The following SEM1 variants were observed in gnomAD, a reference collection of about 807,000 sequenced individuals.
SEM1 encodes SEM1 26S proteasome subunit.
SEM1 carries 3 observed loss-of-function variants against 12.7 expected under a neutral mutation model. That is an observed-to-expected ratio of 0.24 (90% confidence interval 0.11 to 0.61). The LOEUF is 0.61. Among genes scored for constraint, SEM1 ranks in the 20% least tolerant of loss-of-function variants. The probability of loss-of-function intolerance (pLI) is 0.88; values close to 1 mark genes in which losing one functional copy is unlikely to be tolerated. For synonymous variants in SEM1, 30 were observed against 27.8 expected, an observed-to-expected ratio of 1.08 and a Z score of -0.25; for missense variants, 59 against 81.3, an observed-to-expected ratio of 0.73 and a Z score of 1.06.
chr7:96,585,638 C>T (rs1806599073), intron 2 of SEM1, among the ~76,000 whole-genome samples: 2 of 152,268 alleles, frequency 1.3e-5, no homozygotes, highest in Admixed American at 1.3e-4. Context: ...GCTTAGGACC[C>T]TCCGAGCCAG....
At chr7:96,620,964 G>C (rs984749937), downstream of SEM1, among the ~76,000 whole-genome samples, 1 of 152,038 alleles carries the variant, frequency 6.6e-6, no homozygotes, top group Non-Finnish European at 1.5e-5. Context: ...GTTGGATTTG[G>C]TGGTGTCACT....
At chr7:96,619,402 T>A (rs1415559464), downstream of SEM1, among the ~76,000 whole-genome samples, 1 of 118,298 alleles carries the variant, frequency 8.5e-6, no homozygotes, top group Non-Finnish European at 2.0e-5. Context: ...ACTTAAGGCA[T>A]AGCTATTAGC....
intron 2 of SEM1, among the ~76,000 whole-genome samples, chr7:96,626,761 G>A (rs1422338019): frequency 6.6e-6 from 1 of 151,996 alleles, no homozygotes; most frequent in Non-Finnish European, 1.5e-5. Flanking sequence ...TTTTATTGAT[G>A]TATCTGTCTG....
Position 96,694,870 on chromosome 7 carries a change from T to A in SEM1, c.98A>T (p.Asp33Val). 1 of 1,609,868 alleles carries A rather than the reference T, an allele frequency of 6.2e-7. No homozygotes were observed. Among genetic ancestry groups the A allele is most frequent in the Non-Finnish European group, 8.5e-7 (1 of 1,176,706 alleles). ...PAEDWAGLDEDEDAHVWEDNW... is the reference protein window; with the variant it reads ...PAEDWAGLDEVEDAHVWEDNW... ...ATCCTCCCAGACATGTGCATCTTCA[T>A]CTTCATCTAAGCCAGCCCAGTCTAA... The change falls in exon 2 of 3, where the codon GAT becomes GTT. Residue 33 changes from aspartate to valine, a missense_variant. By Grantham distance (152) the Asp-to-Val change is radical. Transcript: ENST00000248566.
intron 2 of SEM1, among the ~76,000 whole-genome samples, chr7:96,583,773 T>C (rs1806503158): frequency 6.6e-6 from 1 of 150,736 alleles, no homozygotes; most frequent in Non-Finnish European, 1.5e-5. Context: ...AAGTCTGTTT[T>C]ATCCGAGACT....
At chr7:96,564,118 G>A (rs1805774345) in intron 2 of SEM1, among the ~76,000 whole-genome samples, 1 of 151,956 alleles carries the variant, frequency 6.6e-6, no homozygotes. Context: ...AGGAAAGTTG[G>A]TGATAAATAG....
intron 1 of SEM1, among the ~76,000 whole-genome samples, chr7:96,487,854 G>A (rs1020736627): frequency 1.3e-5 from 2 of 150,062 alleles, no homozygotes; most frequent in Non-Finnish European, 2.9e-5. Flanking sequence ...AGGGTGGAAT[G>A]CAATAGTCTA....
At chr7:96,708,292 C>G (rs1003534764) in intron 1 of SEM1, 1 of 152,160 alleles carries the variant, frequency 6.6e-6, no homozygotes, top group African/African-American at 2.4e-5. Flanking sequence ...ATAATTAATT[C>G]CAGAACTGAA....
chr7:96,658,286 C>T (rs1438693285), intron 2 of SEM1, among the ~76,000 whole-genome samples: 1 of 152,078 alleles, frequency 6.6e-6, no homozygotes. Context: ...AGTGTGAGTG[C>T]TCAGTTAAAA....
chr7:96,643,863 G>T (rs569402806), intron 2 of SEM1, among the ~76,000 whole-genome samples: 1 of 152,144 alleles, frequency 6.6e-6, no homozygotes, highest in Non-Finnish European at 1.5e-5. Context: ...AGTAAGATAA[G>T]AATAATAAAG....
Position 96,704,339 on chromosome 7 carries a change from A to C in SEM1, c.76+5349T>G, listed in dbSNP as rs576048756. ...AATTGTAGAGGGAAACTGTGTTTTTACTTTTTAATTTATACTCTCATTAAG... is the reference window on the plus strand; with the variant it reads ...AATTGTAGAGGGAAACTGTGTTTTTCCTTTTTAATTTATACTCTCATTAAG... On this transcript the variant is annotated intron_variant, in intron 1 of 2. Transcript: ENST00000248566. Among the ~76,000 whole-genome samples the C allele has an allele frequency of 1.2e-3, 178 of 152,296 alleles. 1 individual carries two copies. The highest frequency in any genetic ancestry group is 1.9e-3 in the Non-Finnish European group (132 of 68,018).
At chr7:96,590,937 G>C (rs1300834675) in intron 2 of SEM1, among the ~76,000 whole-genome samples, 2 of 152,180 alleles carry the variant, frequency 1.3e-5, no homozygotes, top group Non-Finnish European at 2.9e-5. Context: ...CCCCAAGCCA[G>C]TGGTGAAAAG....
intron 2 of SEM1, among the ~76,000 whole-genome samples, chr7:96,599,348 A>T (rs887506425): frequency 1.3e-5 from 2 of 152,158 alleles, no homozygotes; most frequent in South Asian, 2.1e-4. Context: ...AACCAAACCA[A>T]AACAACAAAC....
intron 2 of SEM1, among the ~76,000 whole-genome samples, chr7:96,485,978 A>G (rs796823216): frequency 1.4e-4 from 21 of 152,236 alleles, no homozygotes; most frequent in African/African-American, 5.1e-4. Flanking sequence ...ACAGCCACCA[A>G]GGTTTTTCTG....
At chr7:96,532,923 T>A (rs1804682251) in intron 2 of SEM1, among the ~76,000 whole-genome samples, 1 of 152,048 alleles carries the variant, frequency 6.6e-6, no homozygotes, top group Non-Finnish European at 1.5e-5. Flanking sequence ...TTGGTTAATA[T>A]CTCCTGAACT....
At chr7:96,677,204 A>G (rs937552545) in intron 2 of SEM1, among the ~76,000 whole-genome samples, 1 of 152,186 alleles carries the variant, frequency 6.6e-6, no homozygotes, top group Non-Finnish European at 1.5e-5. Flanking sequence ...GAGGCCCAGG[A>G]CAGCTTCTCA....
chr7:96,554,540 T>G (rs997457761), intron 2 of SEM1, among the ~76,000 whole-genome samples: 4 of 148,086 alleles, frequency 2.7e-5, no homozygotes, highest in Non-Finnish European at 6.0e-5. Context: ...ATCCCAGGGA[T>G]GAAGCCCACT....
At chr7:96,503,779 T>TA (rs375018111) in intron 3 of SEM1, among the ~76,000 whole-genome samples, 41 of 152,258 alleles carry the variant, frequency 2.7e-4, no homozygotes, top group African/African-American at 9.6e-4. Context: ...TTGCTGCCGT[T>TA]ACAGCTGCAT....
downstream of SEM1, among the ~76,000 whole-genome samples, chr7:96,686,927 C>A (rs1414243189): frequency 2.6e-5 from 4 of 151,966 alleles, no homozygotes; most frequent in Non-Finnish European, 4.4e-5. Context: ...ACAATGAACT[C>A]AAACAAATTT....
Sources: allele counts gnomAD v4.1 joint callset (sites outside exome capture counted in the v4.1 genomes callset), GRCh38; gene constraint gnomAD v4.1.1; transcripts MANE v1.5; gene names NCBI Gene and HGNC (gene_info 2026-07-23, HGNC 2026-07-21).